The following ZNF365 variants were observed in gnomAD, a reference collection of about 807,000 sequenced individuals.
ZNF365 encodes protein ZNF365.
Under a neutral mutation model 35.0 loss-of-function variants are expected in ZNF365, and 22 were observed. The ratio of observed to expected loss-of-function variants is 0.63; its 90% CI spans 0.45 to 0.90. The LOEUF (loss-of-function observed/expected upper bound fraction) is 0.90. Ranked by LOEUF, ZNF365 falls within the 40% of genes least tolerant of loss-of-function variation. The pLI, the probability that ZNF365 is intolerant of heterozygous loss-of-function variation, is 0.00. For missense variants in ZNF365, 448 were observed against 500.3 expected, an observed-to-expected ratio of 0.90 and a Z score of 1.00; for synonymous variants, 188 against 196.2, an observed-to-expected ratio of 0.96 and a Z score of 0.35.
At chr10:62,409,890 G>C (rs1431762244) in intron 3 of ZNF365, among the ~76,000 whole-genome samples, 1 of 152,068 alleles carries the variant, frequency 6.6e-6, no homozygotes, top group Non-Finnish European at 1.5e-5. Flanking sequence ...GGGGGTAGCT[G>C]GTGAAGTTTT....
intron 3 of ZNF365, among the ~76,000 whole-genome samples, chr10:62,390,692 T>C (rs1839612091): frequency 6.6e-6 from 1 of 152,202 alleles, no homozygotes. Flanking sequence ...ATGAACATCA[T>C]AGAGTGTATT....
intron 3 of ZNF365, among the ~76,000 whole-genome samples, chr10:62,458,212 A>G (rs1840791537): frequency 6.6e-6 from 1 of 152,198 alleles, no homozygotes; most frequent in South Asian, 2.1e-4. Context: ...AGATTCCCCA[A>G]GGCTTCTTTG....
chr10:62,444,674 C>T (rs1266071333), intron 3 of ZNF365, among the ~76,000 whole-genome samples: 2 of 152,124 alleles, frequency 1.3e-5, no homozygotes, highest in East Asian at 1.9e-4. Flanking sequence ...TCTGAATGTT[C>T]GAATCTCTTC....
chr10:62,436,087 C>T (rs1840402352), intron 3 of ZNF365, among the ~76,000 whole-genome samples: 1 of 152,016 alleles, frequency 6.6e-6, no homozygotes, highest in East Asian at 1.9e-4. Flanking sequence ...CTTTCTTATT[C>T]AGCCTTACTG....
intron 3 of ZNF365, among the ~76,000 whole-genome samples, chr10:62,409,752 C>T (rs1564578595): frequency 6.6e-6 from 1 of 152,110 alleles, no homozygotes; most frequent in South Asian, 2.1e-4. Flanking sequence ...TTGTCAGAAT[C>T]ACTAGAGTTA....
chr10:62,412,751 C>T (rs1055799184), intron 3 of ZNF365, among the ~76,000 whole-genome samples: 3 of 152,158 alleles, frequency 2.0e-5, no homozygotes, highest in African/African-American at 4.8e-5. Flanking sequence ...CTACAAACCA[C>T]TGCTAAAGGA....
chr10:62,399,829 G>C lies in ZNF365; in HGVS notation c.*40G>C. The C allele has an allele frequency of 6.4e-7, 1 of 1,570,634 alleles. No individual in the cohort carries two copies. Among genetic ancestry groups the C allele is most frequent in the South Asian group, 1.2e-5 (1 of 86,692 alleles). ...CTGGACCAATCATCGCTGGGCTTTGGGGAACGTTGTTCCAGGAGCCAACAG... is the reference window on the plus strand; with the variant it reads ...CTGGACCAATCATCGCTGGGCTTTGCGGAACGTTGTTCCAGGAGCCAACAG... On this transcript the variant is annotated 3_prime_UTR_variant, in exon 5 of 5. Coordinates refer to ENST00000395254, the MANE Select transcript of ZNF365 (RefSeq NM_014951.3).
At chr10:62,454,523 A>C (rs2138556) in intron 3 of ZNF365, among the ~76,000 whole-genome samples, 1 of 152,002 alleles carries the variant, frequency 6.6e-6, no homozygotes, top group African/African-American at 2.4e-5. Flanking sequence ...AATTTACGGA[A>C]ACACTGAGAG....
intron 3 of ZNF365, among the ~76,000 whole-genome samples, chr10:62,389,541 A>C (rs576420312): frequency 2.6e-5 from 4 of 152,196 alleles, no homozygotes; most frequent in Admixed American, 6.5e-5. Context: ...CAAGGTTGCT[A>C]TTGGTTGATT....
chr10:62,385,474 C>T (rs1334879390), intron 2 of ZNF365, among the ~76,000 whole-genome samples: 1 of 152,114 alleles, frequency 6.6e-6, no homozygotes, highest in Non-Finnish European at 1.5e-5. Flanking sequence ...GTGTTGCATT[C>T]AAATTTGTTC....
At chr10:62,411,213 C>A (rs1020023048) in intron 3 of ZNF365, among the ~76,000 whole-genome samples, 12 of 152,102 alleles carry the variant, frequency 7.9e-5, no homozygotes, top group African/African-American at 2.4e-4. Context: ...CAAAAATTTT[C>A]TCCCGTTTTG....
chr10:62,462,590 A>G (rs547588804), intron 4 of ZNF365, among the ~76,000 whole-genome samples: 2 of 152,340 alleles, frequency 1.3e-5, no homozygotes, highest in African/African-American at 4.8e-5. Flanking sequence ...TAACCAGTGT[A>G]GACAGATGAC....
chr10:62,389,757 CTCAGTGATA>C (rs773994323), intron 3 of ZNF365, among the ~76,000 whole-genome samples: 5 of 152,212 alleles, frequency 3.3e-5, no homozygotes, highest in Non-Finnish European at 7.3e-5. Context: ...CTTAGCGCAG[CTCAGTGATA>C]TAAGCCCCAG....
At chr10:62,388,218 T>C (rs1231001318) in intron 2 of ZNF365, among the ~76,000 whole-genome samples, 178 bp from the exon 3 acceptor site, 1 of 152,250 alleles carries the variant, frequency 6.6e-6, no homozygotes, top group East Asian at 1.9e-4. Context: ...TATCTTCCTC[T>C]ATTAAAATAC....
At chr10:62,434,552 G>A (rs928243488) in intron 3 of ZNF365, among the ~76,000 whole-genome samples, 1 of 152,170 alleles carries the variant, frequency 6.6e-6, no homozygotes, top group Admixed American at 6.5e-5. Flanking sequence ...ATTAGATGTC[G>A]GTGGGACTGA....
chr10:62,388,695 C>T lies in ZNF365; in HGVS notation c.924+119C>T, dbSNP rs1218646600. Reference sequence around the variant, plus strand: ...GGACTCTCTAGACATCATTTGAGAGCACTGCCTGGGCCATGCCTGTATTGT... The same window carrying T: ...GGACTCTCTAGACATCATTTGAGAGTACTGCCTGGGCCATGCCTGTATTGT... On this transcript the variant is annotated intron_variant, in intron 3 of 4. Coordinates refer to ENST00000395254, the MANE Select transcript of ZNF365 (RefSeq NM_014951.3). 5.0e-6 allele frequency: 6 copies of T among 1,210,624 alleles called. No individual in the cohort carries two copies. In the Admixed American group the frequency reaches 1.3e-4, roughly 26 times the overall value. The allele number at this position is 1,210,624 out of a possible 1,614,324, so 75.0% of individuals were successfully genotyped here.
At chr10:62,416,743 A>C (rs1840082702) in intron 3 of ZNF365, among the ~76,000 whole-genome samples, 1 of 152,022 alleles carries the variant, frequency 6.6e-6, no homozygotes, top group Admixed American at 6.6e-5. Flanking sequence ...ACATTTTGGA[A>C]TATTAGCCTT....
chr10:62,424,374 C>T (rs909673867), intron 3 of ZNF365, among the ~76,000 whole-genome samples: 8 of 152,140 alleles, frequency 5.3e-5, no homozygotes, highest in African/African-American at 1.4e-4. Context: ...AATTGAAGCA[C>T]GATGCTCTCA....
chr10:62,432,539 G>A (rs1840349876), intron 3 of ZNF365, among the ~76,000 whole-genome samples: 1 of 152,082 alleles, frequency 6.6e-6, no homozygotes, highest in African/African-American at 2.4e-5. Flanking sequence ...TAGCACAGAT[G>A]GATTGACCAT....
Sources: allele counts gnomAD v4.1 joint callset (sites outside exome capture counted in the v4.1 genomes callset), GRCh38; gene constraint gnomAD v4.1.1; transcripts MANE v1.5; gene names NCBI Gene and HGNC (gene_info 2026-07-23, HGNC 2026-07-21).